RBMS1: variants seen among roughly 807,000 people sequenced by gnomAD.
The protein encoded by RBMS1 is RNA binding motif single stranded interacting protein 1.
RBMS1 carries 17 observed loss-of-function variants against 62.3 expected under a neutral mutation model. The ratio of observed to expected loss-of-function variants is 0.27; its 90% CI spans 0.19 to 0.41. The LOEUF is 0.41. Ranked by LOEUF, RBMS1 falls within the 10% of genes least tolerant of loss-of-function variation. The pLI, the probability that RBMS1 is intolerant of heterozygous loss-of-function variation, is 1.00. For missense variants in RBMS1, 334 were observed against 504.5 expected (o/e 0.66, Z 3.24); for synonymous variants, 172 against 170.0 (o/e 1.01, Z -0.09).
intron 1 of RBMS1, among the ~76,000 whole-genome samples, chr2:160,404,589 C>T (rs1208584654): frequency 6.6e-6 from 1 of 152,160 alleles, no homozygotes. Flanking sequence ...AGGTTATATA[C>T]AAATACTACG....
intron 2 of RBMS1, among the ~76,000 whole-genome samples, chr2:160,328,106 C>T (rs1691052816): frequency 6.6e-6 from 1 of 152,104 alleles, no homozygotes; most frequent in African/African-American, 2.4e-5. Flanking sequence ...CAATGGGCAG[C>T]CCTGTGACTC....
intron 2 of RBMS1, chr2:160,366,920 T>C: frequency 4.9e-6 from 1 of 205,048 alleles, no homozygotes; most frequent in Non-Finnish European, 9.7e-6. Flanking sequence ...TCCTGAAAAA[T>C]ATCTAGCCAT....
At chr2:160,310,964 T>A (rs1689821042) in intron 4 of RBMS1, among the ~76,000 whole-genome samples, 1 of 151,770 alleles carries the variant, frequency 6.6e-6, no homozygotes, top group Non-Finnish European at 1.5e-5. Context: ...GAGGCTGAGG[T>A]GGGCAGATCA....
At chr2:160,406,143 G>A (rs1695692049) in intron 1 of RBMS1, among the ~76,000 whole-genome samples, 1 of 152,150 alleles carries the variant, frequency 6.6e-6, no homozygotes, top group East Asian at 1.9e-4. Context: ...CCAGGTAAAA[G>A]TTCCATGGAC....
chr2:160,383,216 C>T (rs1694369976), intron 1 of RBMS1, among the ~76,000 whole-genome samples: 1 of 152,124 alleles, frequency 6.6e-6, no homozygotes, highest in Non-Finnish European at 1.5e-5. Flanking sequence ...GAGAAGCCTT[C>T]CTTGCCTCTT....
At chr2:160,421,146 T>C (rs1356943627) in intron 1 of RBMS1, among the ~76,000 whole-genome samples, 3 of 149,544 alleles carry the variant, frequency 2.0e-5, no homozygotes, top group African/African-American at 4.9e-5. Flanking sequence ...TCTTTTTTCT[T>C]TTTTTTTTTA....
intron 1 of RBMS1, among the ~76,000 whole-genome samples, chr2:160,483,956 T>C (rs1685476320): frequency 6.6e-6 from 1 of 151,974 alleles, no homozygotes; most frequent in Admixed American, 6.5e-5. Flanking sequence ...TTCATCCTCT[T>C]AAGCATAGAT....
intron 2 of RBMS1, among the ~76,000 whole-genome samples, chr2:160,357,608 T>A (rs1692873341): frequency 6.6e-6 from 1 of 152,130 alleles, no homozygotes; most frequent in Admixed American, 6.6e-5. Flanking sequence ...CAGTTATGCT[T>A]AATACTGCAA....
chr2:160,370,920 A>C (rs1282699211), intron 1 of RBMS1, among the ~76,000 whole-genome samples: 1 of 152,258 alleles, frequency 6.6e-6, no homozygotes, highest in Non-Finnish European at 1.5e-5. Context: ...CAGTCTGTTA[A>C]GTATTAAAAA....
chr2:160,280,285 G>T (rs1177899667), intron 10 of RBMS1, among the ~76,000 whole-genome samples: 1 of 152,146 alleles, frequency 6.6e-6, no homozygotes, highest in East Asian at 1.9e-4. Context: ...CTATGTATGT[G>T]CACATGTATA....
At chr2:160,319,149 A>C (rs1376616473) in intron 2 of RBMS1, among the ~76,000 whole-genome samples, 1 of 152,214 alleles carries the variant, frequency 6.6e-6, no homozygotes, top group East Asian at 1.9e-4. Context: ...AAGCACTGTT[A>C]TCTATGCTTG....
intron 1 of RBMS1, among the ~76,000 whole-genome samples, chr2:160,470,983 A>G (rs1025221754): frequency 6.6e-6 from 1 of 152,230 alleles, no homozygotes; most frequent in African/African-American, 2.4e-5. Context: ...ATCTGCATAT[A>G]GCACCCTACC....
chr2:160,367,157 C>G lies in RBMS1; in HGVS notation c.251+59G>C, dbSNP rs901313136. 2.6e-6 allele frequency: 4 copies of G among 1,533,230 alleles called. No homozygotes were observed. In the African/African-American group the frequency reaches 5.5e-5, roughly 21 times the overall value. The allele number at this position is 1,533,230 out of a possible 1,614,324, so 95.0% of individuals were successfully genotyped here. The stretch of plus-strand genomic sequence containing the variant: ...CTCTTATAATGCAGTATATATCACT[C>G]TATAATATGATCAAGAAAATACTTA... On this transcript the variant is annotated intron_variant, in intron 2 of 13. Transcript: ENST00000348849.
Position 160,288,364 on chromosome 2 carries a change from G to C in RBMS1, c.641-1280C>G, listed in dbSNP as rs1323163277. The stretch of plus-strand genomic sequence containing the variant: ...TAATTCATCTCTTATTTTATTTCAT[G>C]ATTACCCACCCACTAATGACAGGGT... On this transcript the variant is annotated intron_variant, in intron 6 of 13. Coordinates refer to ENST00000348849, the MANE Select transcript of RBMS1 (RefSeq NM_016836.4). Among the ~76,000 whole-genome samples, 12 of 152,210 alleles carry C rather than the reference G, an allele frequency of 7.9e-5. No individual in the cohort carries two copies. The East Asian group carries it at 1.7e-3, about 22-fold the overall frequency.
At chr2:160,364,466 T>G (rs1693292625) in intron 2 of RBMS1, among the ~76,000 whole-genome samples, 1 of 152,156 alleles carries the variant, frequency 6.6e-6, no homozygotes. Flanking sequence ...GAACTTAGGC[T>G]AGTTGGCTTC....
chr2:160,386,784 T>C (rs1470403846), intron 1 of RBMS1, among the ~76,000 whole-genome samples: 1 of 152,200 alleles, frequency 6.6e-6, no homozygotes, highest in Admixed American at 6.5e-5. Flanking sequence ...AGATTTCTGT[T>C]GTTGATAAGC....
At chr2:160,303,844 G>A (rs1372211729) in intron 4 of RBMS1, among the ~76,000 whole-genome samples, 1 of 152,136 alleles carries the variant, frequency 6.6e-6, no homozygotes, top group African/African-American at 2.4e-5. Flanking sequence ...TATTGCGCAG[G>A]AAGCTATTAT....
intron 1 of RBMS1, among the ~76,000 whole-genome samples, chr2:160,488,530 C>A (rs1262701078): frequency 6.6e-6 from 1 of 152,038 alleles, no homozygotes; most frequent in East Asian, 1.9e-4. Flanking sequence ...GAGCCGAGAT[C>A]GTGCCACCAC....
intron 2 of RBMS1, among the ~76,000 whole-genome samples, chr2:160,363,007 A>T (rs1168539247): frequency 6.6e-6 from 1 of 152,232 alleles, no homozygotes; most frequent in Non-Finnish European, 1.5e-5. Context: ...AATTTCAAGG[A>T]TGGAAGAAAC....
Sources: gnomAD v4.1 joint callset for allele counts (sites outside exome capture counted in the v4.1 genomes callset) on GRCh38, gnomAD v4.1.1 for gene constraint, MANE v1.5 for transcripts, NCBI Gene and HGNC (gene_info 2026-07-23, HGNC 2026-07-21) for gene names.